The following CYP4B1 variants were observed in gnomAD, a reference collection of about 807,000 sequenced individuals.
The protein encoded by CYP4B1 is cytochrome P450 family 4 subfamily B member 1, also known as cytochrome P450 4B1.
In CYP4B1, 45 loss-of-function variants were observed where a neutral mutation model predicts 54.0. The observed-to-expected ratio is 0.83, with a 90% confidence interval of 0.66 to 1.07. CYP4B1 has a LOEUF of 1.07. CYP4B1 is among the 50% of genes least tolerant of loss of function. The pLI is 0.00. For missense variants in CYP4B1, 656 were observed against 655.4 expected, an observed-to-expected ratio of 1.00 and a Z score of -0.01; for synonymous variants, 248 against 247.5, an observed-to-expected ratio of 1.00 and a Z score of -0.02.
chr1:46,817,110 C>T lies in CYP4B1; in HGVS notation c.1136C>T (p.Pro379Leu). 1 of 1,614,202 alleles carries T rather than the reference C, an allele frequency of 6.2e-7. No homozygotes were observed. Among genetic ancestry groups the T allele is most frequent in the East Asian group, 2.2e-5 (1 of 44,880 alleles). ...ATCAAGGAGAGCTTCCGCCTCTACCCACCTGTGCCCCAGGTGTACCGCCAG... is the reference window on the plus strand; with the variant it reads ...ATCAAGGAGAGCTTCCGCCTCTACCTACCTGTGCCCCAGGTGTACCGCCAG... The part of the protein sequence containing the change: ...MCIKESFRLY[P>L]PVPQVYRQLS... The change falls in exon 9 of 12, where the codon CCA becomes CTA. Residue 379 changes from proline (P) to leucine (L), a missense_variant. Transcript: ENST00000371923.
At chr1:46,800,241 C>CTT (rs1553130168) in intron 1 of CYP4B1, among the ~76,000 whole-genome samples, 14,076 of 34,730 alleles carry the variant, frequency 0.41, 3,350 homozygotes, top group Admixed American at 0.53. Context: ...TTCTTTCTTT[C>CTT]CTTCCTTCCT....
chr1:46,807,996 G>A (rs1292775618), intron 1 of CYP4B1, among the ~76,000 whole-genome samples: 5 of 152,240 alleles, frequency 3.3e-5, no homozygotes, highest in Admixed American at 6.5e-5. Flanking sequence ...TTGGCTCACA[G>A]TTCCACAGGC....
In CYP4B1 at chr1:46,815,173, T is replaced by G. The variant is rs1679286983; in HGVS notation, c.982T>G (p.Phe328Val). ...HDTTTSGISW[F>V]LYCMALYPEH... ...CACCACCACCAGTGGTATCTCCTGG[T>G]TTCTCTACTGCATGGCCCTGTACCC... is the stretch of plus-strand genomic sequence containing the variant. Residue 328 changes from phenylalanine (F) to valine (V), a missense_variant, in exon 8 of 12, where the codon TTT becomes GTT. Transcript: ENST00000371923. 6.2e-7 allele frequency: 1 copy of G among 1,613,886 alleles called. No individual in the cohort carries two copies. The highest frequency in any genetic ancestry group is 1.3e-5 in the African/African-American group (1 of 74,928).
At position 46,818,919 on chromosome 1, in the gene CYP4B1, C is replaced by T; in HGVS notation, c.*105C>T. 1 of 1,040,442 alleles carries T rather than the reference C, an allele frequency of 9.6e-7. No homozygotes were observed. The highest frequency in any genetic ancestry group is 1.4e-6 in the Non-Finnish European group (1 of 707,548). The allele number at this position is 1,040,442 out of a possible 1,614,324, so 64.5% of individuals were successfully genotyped here. ...GTTGGGGCCCCCTGCCTTCAGGAGGCTTGTAGTTTAGAAGGGAAGTAGGCA... is the reference window on the plus strand; with the variant it reads ...GTTGGGGCCCCCTGCCTTCAGGAGGTTTGTAGTTTAGAAGGGAAGTAGGCA... On this transcript the variant is annotated 3_prime_UTR_variant, in exon 12 of 12. Transcript: ENST00000371923.
intron 1 of CYP4B1, among the ~76,000 whole-genome samples, chr1:46,805,999 C>T (rs1479715242): frequency 6.6e-6 from 1 of 152,292 alleles, no homozygotes; most frequent in East Asian, 1.9e-4. Context: ...GCAGTGGGAG[C>T]CTGTGTGGTC....
At chr1:46,800,243 TTCCTTCC>T (rs1557484749) in intron 1 of CYP4B1, among the ~76,000 whole-genome samples, 170 of 15,810 alleles carry the variant, frequency 0.011, 5 homozygotes, top group African/African-American at 0.019. Context: ...CTTTCTTTCC[TTCCTTCC>T]TTCCTTCCTT....
At chr1:46,818,365 T>A in intron 11 of CYP4B1, 152 bp downstream of exon 11, 1 of 793,726 alleles carries the variant, frequency 1.3e-6, no homozygotes, top group Non-Finnish European at 2.0e-6. Flanking sequence ...TTCTTGCAAT[T>A]ATCATATTCC....
At chr1:46,812,395 G>T (rs1292713629) in intron 3 of CYP4B1, 101 bp from the exon 4 acceptor site, 4 of 1,413,454 alleles carry the variant, frequency 2.8e-6, no homozygotes, top group Non-Finnish European at 3.9e-6. Flanking sequence ...GCCCACCCTT[G>T]GAGGGTTCCA....
At chr1:46,804,238 G>C (rs1391955729) in intron 1 of CYP4B1, among the ~76,000 whole-genome samples, 1 of 152,070 alleles carries the variant, frequency 6.6e-6, no homozygotes, top group Non-Finnish European at 1.5e-5. Context: ...TGAGAGACAG[G>C]GAGTCAACTG....
At chr1:46,802,106 G>C (rs759010966) in intron 1 of CYP4B1, among the ~76,000 whole-genome samples, 7 of 152,158 alleles carry the variant, frequency 4.6e-5, no homozygotes, top group Non-Finnish European at 1.0e-4. Flanking sequence ...GAACCAGGGA[G>C]GACTTTGCAC....
Position 46,812,347 on chromosome 1 carries a change from G to A in CYP4B1, c.368-149G>A, listed in dbSNP as rs1569893747. ...TGTCTCCTGAGGTCCTGGTAGCCTAGGGTGAGGGCATGGAGGGCAATACTG... is the reference window on the plus strand; with the variant it reads ...TGTCTCCTGAGGTCCTGGTAGCCTAAGGTGAGGGCATGGAGGGCAATACTG... On this transcript the variant is annotated intron_variant, in intron 3 of 11. Coordinates refer to ENST00000371923, the MANE Select transcript of CYP4B1 (RefSeq NM_001099772.2). 18 of 858,962 alleles carry A rather than the reference G, an allele frequency of 2.1e-5. No homozygotes were observed. The East Asian group carries it at 4.0e-4, about 19-fold the overall frequency. The allele number at this position is 858,962 out of a possible 1,614,324, so 53.2% of individuals were successfully genotyped here.
At position 46,807,789 on chromosome 1, in the gene CYP4B1, C is replaced by T. The variant is rs146558756; in HGVS notation, c.181-3019C>T. On this transcript the variant is annotated intron_variant, in intron 1 of 11. Transcript: ENST00000371923. ...GGAAGAGCCCTAGAGAAGGCACAGA[C>T]GGGTGGCTGGAGGCCAAAATAGGCC... 4.3e-4 allele frequency among the ~76,000 whole-genome samples: 66 copies of T among 152,314 alleles called. No homozygotes were observed. In the East Asian group the frequency reaches 0.01, roughly 23 times the overall value.
At chr1:46,800,875 G>A (rs1408374171) in intron 1 of CYP4B1, among the ~76,000 whole-genome samples, 1 of 152,196 alleles carries the variant, frequency 6.6e-6, no homozygotes, top group Admixed American at 6.5e-5. Flanking sequence ...GGTTCAAAGA[G>A]CTTACGGTCT....
chr1:46,809,192 A>AAAAC (rs1199533621), intron 1 of CYP4B1, among the ~76,000 whole-genome samples: 3 of 102,814 alleles, frequency 2.9e-5, no homozygotes, highest in African/African-American at 3.6e-5. Flanking sequence ...AAAACAAAAC[A>AAAAC]AAACAAAACA....
intron 1 of CYP4B1, among the ~76,000 whole-genome samples, chr1:46,802,189 G>T (rs1678687654): frequency 6.6e-6 from 1 of 151,730 alleles, no homozygotes; most frequent in African/African-American, 2.4e-5. Flanking sequence ...TGGTGTGTGT[G>T]GGTGTGTGTG....
chr1:46,800,816 C>T (rs1025994286), intron 1 of CYP4B1, among the ~76,000 whole-genome samples: 1 of 152,118 alleles, frequency 6.6e-6, no homozygotes, highest in African/African-American at 2.4e-5. Flanking sequence ...CTGAAGACAT[C>T]CAGGAAAGGA....
At chr1:46,808,488 G>C (rs1490178682) in intron 1 of CYP4B1, among the ~76,000 whole-genome samples, 1 of 150,938 alleles carries the variant, frequency 6.6e-6, no homozygotes. Context: ...TTTTTGATGG[G>C]GTTGTTTGTT....
chr1:46,800,215 C>CTT (rs59067536), intron 1 of CYP4B1, among the ~76,000 whole-genome samples: 14,709 of 28,742 alleles, frequency 0.51, 3,490 homozygotes, highest in East Asian at 0.65. Flanking sequence ...TTCTTTCTTT[C>CTT]TCTTTCTCTC....
intron 1 of CYP4B1, among the ~76,000 whole-genome samples, chr1:46,809,949 G>A (rs940325498): frequency 5.3e-5 from 8 of 152,146 alleles, no homozygotes; most frequent in Non-Finnish European, 8.8e-5. Flanking sequence ...GTGAGTAAAC[G>A]TGACTAGAAA....
Sources: gnomAD v4.1 joint callset for allele counts (sites outside exome capture counted in the v4.1 genomes callset) on GRCh38, gnomAD v4.1.1 for gene constraint, MANE v1.5 for transcripts, NCBI Gene and HGNC (gene_info 2026-07-23, HGNC 2026-07-21) for gene names.